The following KALRN variants were observed in gnomAD, a reference collection of about 807,000 sequenced individuals.
KALRN encodes the protein kalirin RhoGEF kinase.
A neutral mutation model predicts 353.7 loss-of-function variants in KALRN; 70 were observed. That is an observed-to-expected ratio of 0.20 (90% CI 0.16 to 0.24). The LOEUF (loss-of-function observed/expected upper bound fraction) is 0.24, where lower values mean the gene tolerates loss of function less well. Ranked by LOEUF, KALRN falls within the 10% of genes least tolerant of loss-of-function variation. The pLI is 1.00. For synonymous variants in KALRN, 1,391 were observed against 1,434.8 expected, an observed-to-expected ratio of 0.97 and a Z score of 0.69; for missense variants, 2,791 against 3,756.7, an observed-to-expected ratio of 0.74 and a Z score of 6.72.
At chr3:124,179,385 T>A (rs184274219) in intron 1 of KALRN, among the ~76,000 whole-genome samples, 85 of 152,178 alleles carry the variant, frequency 5.6e-4, no homozygotes, top group Non-Finnish European at 9.1e-4. Flanking sequence ...CCACATCTTG[T>A]CTCACTGGAA....
chr3:124,599,548 G>C (rs910244355), intron 34 of KALRN, among the ~76,000 whole-genome samples: 1 of 152,136 alleles, frequency 6.6e-6, no homozygotes, highest in Non-Finnish European at 1.5e-5. Flanking sequence ...CTCCTGCTGC[G>C]ATAACTGTTA....
intron 1 of KALRN, among the ~76,000 whole-genome samples, chr3:124,178,247 C>A (rs1306385593): frequency 6.6e-6 from 1 of 152,138 alleles, no homozygotes; most frequent in Non-Finnish European, 1.5e-5. Flanking sequence ...GTGGATAGTA[C>A]CAAACCCTAC....
intron 1 of KALRN, among the ~76,000 whole-genome samples, chr3:124,211,087 C>T (rs1054774478): frequency 6.6e-6 from 1 of 152,124 alleles, no homozygotes; most frequent in African/African-American, 2.4e-5. Context: ...TTTGGCTGTT[C>T]CCAGGTTTGT....
In KALRN at chr3:124,395,490, C is replaced by T. The variant is rs953139473; in HGVS notation, c.2171+147C>T. 4 of 602,772 alleles carry T rather than the reference C, an allele frequency of 6.6e-6. No homozygotes were observed. In the African/African-American group the frequency reaches 7.4e-5, roughly 11 times the overall value. The allele number at this position is 602,772 out of a possible 1,614,324, so 37.3% of individuals were successfully genotyped here. The stretch of plus-strand genomic sequence containing the variant: ...TCTGTAAGATGTAAAAATGCCTGCA[C>T]CATACTCAACTTGAATCTAGAATAA... On this transcript the variant is annotated intron_variant, in intron 12 of 59. Transcript: ENST00000682506.
At chr3:124,345,660 A>G (rs79169020) in intron 9 of KALRN, among the ~76,000 whole-genome samples, 3,618 of 152,226 alleles carry the variant, frequency 0.024, 138 homozygotes, top group African/African-American at 0.082. Flanking sequence ...TTTATAAAAA[A>G]CTTTTTTTCT....
At chr3:124,717,497 T>G (rs891428827) in intron 59 of KALRN, 112 bp downstream of exon 59, 2 of 622,232 alleles carry the variant, frequency 3.2e-6, no homozygotes, top group South Asian at 6.3e-5. Context: ...CCATCCTGGC[T>G]GACACGGTGA....
intron 1 of KALRN, among the ~76,000 whole-genome samples, chr3:124,059,618 G>A (rs1340304380): frequency 6.6e-6 from 1 of 152,202 alleles, no homozygotes; most frequent in Non-Finnish European, 1.5e-5. Flanking sequence ...CTAATGAGAT[G>A]TGTGTGCCTG....
intron 3 of KALRN, among the ~76,000 whole-genome samples, chr3:124,250,457 C>G (rs1225497013): frequency 6.6e-6 from 1 of 152,160 alleles, no homozygotes; most frequent in Non-Finnish European, 1.5e-5. Context: ...GGGAGGCAGC[C>G]CATGGCTGCA....
chr3:124,596,677 G>A (rs1207450454), intron 34 of KALRN, among the ~76,000 whole-genome samples: 1 of 152,192 alleles, frequency 6.6e-6, no homozygotes, highest in Non-Finnish European at 1.5e-5. Flanking sequence ...GCAAGGCTTA[G>A]GTGAGTTGAT....
chr3:124,329,745 G>A, intron 7 of KALRN, 116 bp from the exon 8 acceptor site: 2 of 1,232,312 alleles, frequency 1.6e-6, no homozygotes, highest in East Asian at 4.9e-5. Flanking sequence ...AGTGGTCTCT[G>A]AAGGCTTTCA....
At chr3:124,661,741 A>T (rs576071587) in intron 44 of KALRN, 110 bp from the exon 45 acceptor site, 1 of 843,626 alleles carries the variant, frequency 1.2e-6, no homozygotes, top group African/African-American at 1.7e-5. Context: ...CCCTTCCTAG[A>T]ATAAAGGAGC....
chr3:124,655,867 A>C (rs1256939883), intron 39 of KALRN, among the ~76,000 whole-genome samples, 200 bp downstream of exon 39: 8 of 152,262 alleles, frequency 5.3e-5, no homozygotes. Context: ...TTTAGAGGGA[A>C]GTAGTGGCCT....
chr3:124,625,704 C>CTCTA (rs5852413), intron 34 of KALRN, among the ~76,000 whole-genome samples: 53,390 of 151,806 alleles, frequency 0.35, 10,798 homozygotes, highest in African/African-American at 0.56. Flanking sequence ...ATCTATTTAT[C>CTCTA]TCTATATCCC....
chr3:124,699,683 T>C (rs140772121), intron 55 of KALRN, among the ~76,000 whole-genome samples, 186 bp from the exon 56 acceptor site: 2,425 of 152,348 alleles, frequency 0.016, 34 homozygotes, highest in Non-Finnish European at 0.027. Context: ...CACCATTTAT[T>C]CCGTCATTTA....
intron 6 of KALRN, among the ~76,000 whole-genome samples, chr3:124,315,893 C>T (rs780536099): frequency 3.9e-5 from 6 of 152,036 alleles, no homozygotes; most frequent in South Asian, 2.1e-4. Flanking sequence ...TATGAAGTGT[C>T]GATAATAATC....
chr3:124,058,189 G>T (rs886404816), intron 1 of KALRN, among the ~76,000 whole-genome samples: 2 of 152,152 alleles, frequency 1.3e-5, no homozygotes, highest in Admixed American at 6.5e-5. Context: ...AAATGTGGGA[G>T]TTACAATTCA....
intron 11 of KALRN, among the ~76,000 whole-genome samples, chr3:124,391,356 C>T (rs1412852294): frequency 1.3e-5 from 2 of 152,112 alleles, no homozygotes; most frequent in Admixed American, 6.5e-5. Flanking sequence ...GAGAAACCAA[C>T]GTGGAAGACA....
chr3:124,525,065 C>T (rs967408312), intron 33 of KALRN, among the ~76,000 whole-genome samples: 4 of 152,216 alleles, frequency 2.6e-5, no homozygotes, highest in Non-Finnish European at 5.9e-5. Context: ...CCTGTTTTTA[C>T]TGGTTCTGAA....
intron 51 of KALRN, among the ~76,000 whole-genome samples, chr3:124,691,651 C>A (rs555079527): frequency 3.7e-4 from 57 of 152,292 alleles, no homozygotes; most frequent in African/African-American, 1.3e-3. Context: ...CAAAGCCACC[C>A]TTAAACCTAC....
Sources: gnomAD v4.1 joint callset for allele counts (sites outside exome capture counted in the v4.1 genomes callset) on GRCh38, gnomAD v4.1.1 for gene constraint, MANE v1.5 for transcripts, NCBI Gene and HGNC (gene_info 2026-07-23, HGNC 2026-07-21) for gene names.